SFXN5: variants seen among roughly 807,000 people sequenced by gnomAD.
SFXN5 encodes the protein sideroflexin-5.
SFXN5 carries 43 observed loss-of-function variants against 50.2 expected under a neutral mutation model. The ratio of observed to expected loss-of-function variants is 0.86; its 90% CI spans 0.67 to 1.11. The LOEUF (loss-of-function observed/expected upper bound fraction) is 1.11. SFXN5 is among the 50% of genes least tolerant of loss of function. The pLI is 0.00. For synonymous variants in SFXN5, 203 were observed against 185.8 expected (o/e 1.09, Z -0.75); for missense variants, 463 against 454.1 (o/e 1.02, Z -0.18).
intron 9 of SFXN5, chr2:72,997,912 G>A (rs1043626129): frequency 6.6e-6 from 1 of 152,138 alleles, no homozygotes; most frequent in Admixed American, 6.6e-5. Context: ...TTTAAATGGG[G>A]TCTTGCTATG....
rs537010171 is a variant in SFXN5, at chr2:72,947,718, C to T, written c.946-2619G>A. On this transcript the variant is annotated intron_variant, in intron 13 of 13. Transcript: ENST00000272433. ...CCTTCCTCTGTAGTCGCTGGTACCC[C>T]GTTACCCAAGTCTGGTCACCCGAGA... is the stretch of plus-strand genomic sequence containing the variant. Among the ~76,000 whole-genome samples, 11 of 152,278 alleles carry T rather than the reference C, an allele frequency of 7.2e-5. No individual in the cohort carries two copies. The East Asian group carries it at 1.9e-3, about 27-fold the overall frequency.
At position 72,961,127 on chromosome 2, in the gene SFXN5, T is replaced by C. The variant is rs765791111; in HGVS notation, c.945+4A>G. On this transcript the variant is annotated splice_donor_region_variant and intron_variant, in intron 13 of 13. Transcript: ENST00000272433. This position sits in a 1 kb window ranked among gnomAD's most constrained non-coding sequence, Gnocchi z 4.4. Reference sequence around the variant, plus strand: ...GCCCTGCCCTTGAGCCCCTCCCCACTGACCTCTGACATTTGCGGGAAGAGG... The same window carrying C: ...GCCCTGCCCTTGAGCCCCTCCCCACCGACCTCTGACATTTGCGGGAAGAGG... The C allele has an allele frequency of 9.5e-6, 15 of 1,576,956 alleles. No individual in the cohort carries two copies. In the Admixed American group the frequency reaches 2.7e-4, roughly 29 times the overall value.
At chr2:72,972,832 G>T (rs1487848862) in intron 10 of SFXN5, among the ~76,000 whole-genome samples, 1 of 152,236 alleles carries the variant, frequency 6.6e-6, no homozygotes, top group African/African-American at 2.4e-5. Context: ...ATTTTGGGGA[G>T]TGTGTGAGCC....
intron 2 of SFXN5, chr2:73,041,458 G>A (rs985990034): frequency 5.3e-6 from 1 of 189,630 alleles, no homozygotes; most frequent in Non-Finnish European, 1.1e-5. Context: ...TTTGGAGGCT[G>A]AGGCGGGAAG....
chr2:73,021,986 C>T (rs1676957474), intron 5 of SFXN5, among the ~76,000 whole-genome samples: 1 of 152,192 alleles, frequency 6.6e-6, no homozygotes, highest in Non-Finnish European at 1.5e-5. Context: ...TCCTGGTCTC[C>T]ACAGAACAGG....
chr2:73,020,079 G>T, intron 6 of SFXN5, 160 bp downstream of exon 6: 1 of 648,630 alleles, frequency 1.5e-6, no homozygotes, highest in Non-Finnish European at 2.6e-6. Flanking sequence ...AGCATCAAGA[G>T]ATGTGGTAAG....
chr2:73,071,471 C>T (rs1445924786), intron 1 of SFXN5, 133 bp downstream of exon 1: 5 of 729,834 alleles, frequency 6.9e-6, no homozygotes, highest in South Asian at 3.7e-5. Flanking sequence ...GACCGAGGTT[C>T]CCCCCCTGGC....
intron 10 of SFXN5, among the ~76,000 whole-genome samples, chr2:72,983,808 C>T (rs1030604751): frequency 4.6e-5 from 7 of 152,202 alleles, no homozygotes; most frequent in African/African-American, 1.7e-4. Context: ...CTGGTAACTG[C>T]TCCTGGTACC....
chr2:72,980,094 A>G (rs998657553), intron 10 of SFXN5, among the ~76,000 whole-genome samples: 3 of 152,156 alleles, frequency 2.0e-5, no homozygotes, highest in African/African-American at 7.2e-5. Context: ...CTCTTCTGCA[A>G]GAAGTGGGAG....
At chr2:72,985,846 C>T (rs1671853931) in intron 10 of SFXN5, among the ~76,000 whole-genome samples, 1 of 152,188 alleles carries the variant, frequency 6.6e-6, no homozygotes, top group African/African-American at 2.4e-5. Context: ...GTCAGAAAGT[C>T]TCAGACCCAA....
intron 10 of SFXN5, among the ~76,000 whole-genome samples, chr2:72,983,325 G>A (rs776452985): frequency 1.1e-4 from 16 of 152,186 alleles, no homozygotes; most frequent in Non-Finnish European, 2.1e-4. Flanking sequence ...GGTTAACACC[G>A]AGATCTTTTC....
chr2:73,066,565 A>T (rs879381693), intron 1 of SFXN5, among the ~76,000 whole-genome samples: 4 of 152,162 alleles, frequency 2.6e-5, no homozygotes, highest in South Asian at 2.1e-4. Context: ...CTCCAAAAAA[A>T]AAAAATAAAA....
chr2:73,068,445 C>G (rs1159145477), intron 1 of SFXN5, among the ~76,000 whole-genome samples: 1 of 152,146 alleles, frequency 6.6e-6, no homozygotes, highest in African/African-American at 2.4e-5. Context: ...TAGAGACACC[C>G]CAACTCTGGG....
At chr2:73,039,836 A>T (rs1679392199) in intron 3 of SFXN5, among the ~76,000 whole-genome samples, 2 of 146,896 alleles carry the variant, frequency 1.4e-5, no homozygotes, top group Non-Finnish European at 3.0e-5. Context: ...TTTGAGACAG[A>T]GTTTCGCTTT....
intron 13 of SFXN5, among the ~76,000 whole-genome samples, chr2:72,958,297 T>G (rs1342105342): frequency 6.6e-6 from 1 of 152,030 alleles, no homozygotes; most frequent in African/African-American, 2.4e-5. Flanking sequence ...CCACAGGAAA[T>G]GATCAGGTGT....
chr2:72,979,628 C>A lies in SFXN5; in HGVS notation c.626-7943G>T, dbSNP rs576351655. Reference sequence around the variant, plus strand: ...CAGCCTGGGTGACAGAGCAAGACTCCGTCTATAAATAAATAAATAAAGAAA... The same window carrying A: ...CAGCCTGGGTGACAGAGCAAGACTCAGTCTATAAATAAATAAATAAAGAAA... On this transcript the variant is annotated intron_variant, in intron 10 of 13. Transcript: ENST00000272433. Among the ~76,000 whole-genome samples the A allele has an allele frequency of 2.0e-5, 3 of 152,114 alleles. No homozygotes were observed. In the East Asian group the frequency reaches 5.8e-4, roughly 29 times the overall value.
intron 3 of SFXN5, among the ~76,000 whole-genome samples, chr2:73,031,228 T>C (rs1678259677): frequency 6.6e-6 from 1 of 152,352 alleles, no homozygotes; most frequent in East Asian, 1.9e-4. Flanking sequence ...AGACCCACAG[T>C]GGCATCTGAG....
At chr2:73,005,004 GGATA>G (rs890311282) in intron 6 of SFXN5, among the ~76,000 whole-genome samples, 3 of 152,222 alleles carry the variant, frequency 2.0e-5, no homozygotes, top group Admixed American at 6.5e-5. Context: ...AGAAAGAGAT[GGATA>G]GAGAGAGGGA....
chr2:72,954,217 G>A (rs1293560728), intron 13 of SFXN5, among the ~76,000 whole-genome samples: 1 of 152,148 alleles, frequency 6.6e-6, no homozygotes, highest in Non-Finnish European at 1.5e-5. Flanking sequence ...AGGTGAGTAG[G>A]GGCTCAGCTG....
Sources: allele counts gnomAD v4.1 joint callset (sites outside exome capture counted in the v4.1 genomes callset), GRCh38; gene constraint gnomAD v4.1.1; non-coding constraint Gnocchi (gnomAD v3.1); transcripts MANE v1.5; gene names NCBI Gene and HGNC (gene_info 2026-07-23, HGNC 2026-07-21).